The following SPHKAP variants were observed in gnomAD, a reference collection of about 807,000 sequenced individuals.
The protein encoded by SPHKAP is A-kinase anchor protein SPHKAP.
In SPHKAP, 67 loss-of-function variants were observed where a neutral mutation model predicts 137.5. That is an observed-to-expected ratio of 0.49 (90% CI 0.40 to 0.60). The LOEUF (loss-of-function observed/expected upper bound fraction) is 0.60. Ranked by LOEUF, SPHKAP falls within the 20% of genes least tolerant of loss-of-function variation. The pLI is 0.00. For missense variants in SPHKAP, 2,097 were observed against 2,069.3 expected, an observed-to-expected ratio of 1.01 and a Z score of -0.26; for synonymous variants, 813 against 785.3, an observed-to-expected ratio of 1.04 and a Z score of -0.59.
At chr2:228,172,139 G>A (rs1166811424) in intron 1 of SPHKAP, among the ~76,000 whole-genome samples, 1 of 152,066 alleles carries the variant, frequency 6.6e-6, no homozygotes, top group African/African-American at 2.4e-5. Context: ...TTAATCATAT[G>A]AGGATGAAAG....
chr2:228,034,630 A>T (rs1480301812), intron 3 of SPHKAP, among the ~76,000 whole-genome samples: 1 of 152,232 alleles, frequency 6.6e-6, no homozygotes, highest in Non-Finnish European at 1.5e-5. Flanking sequence ...AAAAATCCTC[A>T]ATAAAATATT....
At chr2:228,078,854 C>T (rs1401444274) in intron 3 of SPHKAP, among the ~76,000 whole-genome samples, 1 of 152,150 alleles carries the variant, frequency 6.6e-6, no homozygotes, top group Non-Finnish European at 1.5e-5. Context: ...GACCTCAAAA[C>T]CAGGCCCCTC....
At position 228,018,036 on chromosome 2, in the gene SPHKAP, T is replaced by C. The variant is rs762357746; in HGVS notation, c.2818A>G (p.Met940Val). The C allele has an allele frequency of 6.2e-7, 1 of 1,614,186 alleles. No individual in the cohort carries two copies. The highest frequency in any genetic ancestry group is 8.5e-7 in the Non-Finnish European group (1 of 1,180,018). Residue 940 changes from methionine to valine, a missense_variant, in exon 7 of 12, where the codon ATG becomes GTG. Transcript: ENST00000392056. ...AEELADTVVS[M>V]ATEIAAICLD... is the part of the protein sequence containing the mutation. ...CAAATCGCTGCAATTTCAGTTGCCA[T>C]GGAGACGACCGTGTCTGCTAATTCT... is the stretch of plus-strand genomic sequence containing the variant.
rs879381539 is a variant in SPHKAP at position 228,133,078 on chromosome 2, C to T, written c.33-993G>A. ...TACCAGCACTTTCGGAGGCCGAGGC[C>T]GGTGGATTGCCTGAGCTCAGGAGTA... is the stretch of plus-strand genomic sequence containing the variant. On this transcript the variant is annotated intron_variant, in intron 1 of 11. Coordinates refer to ENST00000392056, the MANE Select transcript of SPHKAP (RefSeq NM_001142644.2). Among the ~76,000 whole-genome samples the T allele has an allele frequency of 9.3e-5, 14 of 151,124 alleles. 1 individual carries two copies. Among genetic ancestry groups the T allele is most frequent in the Admixed American group, 2.6e-4 (4 of 15,198 alleles).
At position 228,021,778 on chromosome 2, in the gene SPHKAP, G is replaced by A. The variant is rs1352896599; in HGVS notation, c.630C>T (p.Ile210=). 6 of 1,614,100 alleles carry A rather than the reference G, an allele frequency of 3.7e-6. No homozygotes were observed. Among genetic ancestry groups the A allele is most frequent in the Non-Finnish European group, 5.1e-6 (6 of 1,179,994 alleles). The part of the protein sequence containing the change: ...EDDTNCSLSS[I]EEDFLTASEH... ...CAGAAGCGGTGAGAAAGTCTTCCTC[G>A]ATTGAAGATAAGGAACAGTTCGTGT... The change falls in exon 6 of 12, where the codon ATC becomes ATT. Residue 210 remains isoleucine (I), a synonymous_variant. Coordinates refer to ENST00000392056, the MANE Select transcript of SPHKAP (RefSeq NM_001142644.2).
At chr2:228,069,258 A>G (rs998680109) in intron 3 of SPHKAP, among the ~76,000 whole-genome samples, 1 of 151,984 alleles carries the variant, frequency 6.6e-6, no homozygotes, top group African/African-American at 2.4e-5. Flanking sequence ...CAAGAGCAAA[A>G]CTCTGTCTCA....
chr2:228,110,232 C>T (rs957730899), intron 2 of SPHKAP, among the ~76,000 whole-genome samples: 4 of 151,782 alleles, frequency 2.6e-5, no homozygotes, highest in Non-Finnish European at 5.9e-5. Context: ...TCTCTGAATA[C>T]AGTTAACTAA....
chr2:228,089,684 C>A (rs902861838), intron 3 of SPHKAP, among the ~76,000 whole-genome samples: 1 of 152,180 alleles, frequency 6.6e-6, no homozygotes, highest in Admixed American at 6.5e-5. Context: ...GCACCACTGC[C>A]CTGCTCAGCC....
At position 228,151,618 on chromosome 2, in the gene SPHKAP, C is replaced by T. The variant is rs573700766; in HGVS notation, c.33-19533G>A. On this transcript the variant is annotated intron_variant, in intron 1 of 11. Coordinates refer to ENST00000392056, the MANE Select transcript of SPHKAP (RefSeq NM_001142644.2). ...TGTTGTTTCCTGACTTTTTAATGAT[C>T]GCCATTCTAACTGGTGTGAGATGGT... Among the ~76,000 whole-genome samples the T allele has an allele frequency of 2.8e-4, 43 of 152,052 alleles. No individual in the cohort carries two copies. The East Asian group carries it at 3.3e-3, about 12-fold the overall frequency.
intron 3 of SPHKAP, among the ~76,000 whole-genome samples, chr2:228,036,166 G>T (rs376997434): frequency 6.7e-6 from 1 of 149,878 alleles, no homozygotes. Context: ...AATCTACAAT[G>T]AACTCAAACA....
intron 2 of SPHKAP, among the ~76,000 whole-genome samples, chr2:228,128,041 C>T (rs910632427): frequency 2.6e-5 from 4 of 152,152 alleles, no homozygotes; most frequent in Admixed American, 1.3e-4. Flanking sequence ...ACTAATTGAT[C>T]AAGGTGGTGG....
chr2:228,065,785 G>T (rs904825673), intron 3 of SPHKAP, among the ~76,000 whole-genome samples: 4 of 152,172 alleles, frequency 2.6e-5, no homozygotes, highest in Middle Eastern at 3.2e-3. Context: ...GCATTGATTT[G>T]AGGGAAGGCT....
At chr2:228,036,120 T>G (rs1472882551) in intron 3 of SPHKAP, among the ~76,000 whole-genome samples, 2 of 149,612 alleles carry the variant, frequency 1.3e-5, no homozygotes, top group Non-Finnish European at 3.0e-5. Flanking sequence ...AGAAAATTTT[T>G]GCAATCTACT....
intron 5 of SPHKAP, among the ~76,000 whole-genome samples, chr2:228,023,718 G>T (rs967838174): frequency 1.3e-5 from 2 of 152,176 alleles, no homozygotes; most frequent in Non-Finnish European, 2.9e-5. Context: ...TCAGACAATT[G>T]CTCTGGGGAG....
intron 2 of SPHKAP, chr2:228,109,373 G>A: frequency 1.0e-6 from 1 of 984,600 alleles, no homozygotes; most frequent in Non-Finnish European, 1.2e-6. Flanking sequence ...CACTTCTTTG[G>A]TTCTGCTAAC....
intron 1 of SPHKAP, among the ~76,000 whole-genome samples, chr2:228,152,609 G>A (rs897465780): frequency 2.6e-5 from 4 of 151,514 alleles, no homozygotes; most frequent in African/African-American, 9.7e-5. Flanking sequence ...GATATATTTG[G>A]GTCCATTTAA....
At chr2:228,021,999 A>C (rs371200051) in intron 5 of SPHKAP, 33 bp from the exon 6 acceptor site, 400 of 1,540,298 alleles carry the variant, frequency 2.6e-4, no homozygotes, top group Non-Finnish European at 3.2e-4. Flanking sequence ...GCATTTATTC[A>C]AAAGGGAAAA....
At chr2:228,077,701 T>G (rs886644454) in intron 3 of SPHKAP, among the ~76,000 whole-genome samples, 3 of 152,206 alleles carry the variant, frequency 2.0e-5, no homozygotes, top group Admixed American at 1.3e-4. Context: ...CAGATGAGAC[T>G]TTGGACTGTG....
At chr2:228,168,012 T>C (rs1700470119) in intron 1 of SPHKAP, among the ~76,000 whole-genome samples, 1 of 152,150 alleles carries the variant, frequency 6.6e-6, no homozygotes, top group African/African-American at 2.4e-5. Flanking sequence ...GTATATGTAA[T>C]ATTACACTTA....
Sources: allele counts gnomAD v4.1 joint callset (sites outside exome capture counted in the v4.1 genomes callset), GRCh38; gene constraint gnomAD v4.1.1; transcripts MANE v1.5; gene names NCBI Gene and HGNC (gene_info 2026-07-23, HGNC 2026-07-21).